Variants in ALDH2 observed in about 807,000 individuals in gnomAD.
ALDH2 encodes the protein aldehyde dehydrogenase 2 family member, also known as aldehyde dehydrogenase, mitochondrial.
In ALDH2, 44 loss-of-function variants were observed where a neutral mutation model predicts 59.6. The observed-to-expected ratio is 0.74, with a 90% CI of 0.58 to 0.95. ALDH2 has a LOEUF of 0.95. ALDH2 is among the 40% of genes least tolerant of loss of function. The pLI is 0.00. For missense variants in ALDH2, 570 were observed against 696.3 expected (o/e 0.82, Z 2.04); for synonymous variants, 291 against 284.0 (o/e 1.02, Z -0.25).
chr12:111,782,290 G>A (rs762979046), intron 2 of ALDH2, among the ~76,000 whole-genome samples: 1 of 152,256 alleles, frequency 6.6e-6, no homozygotes, highest in Non-Finnish European at 1.5e-5. Flanking sequence ...GGTCAGAGAT[G>A]GAAACCTTGC....
At chr12:111,804,011 G>T in intron 12 of ALDH2, 38 bp downstream of exon 12, 1 of 1,501,580 alleles carries the variant, frequency 6.7e-7, no homozygotes, top group Non-Finnish European at 9.1e-7. Flanking sequence ...GGGCCTGTTG[G>T]GGCTTGAGGG....
intron 3 of ALDH2, 35 bp downstream of exon 3, chr12:111,783,333 T>G: frequency 6.3e-7 from 1 of 1,575,318 alleles, no homozygotes; most frequent in Non-Finnish European, 8.7e-7. Context: ...TCAGATCCCA[T>G]GTGGTGAATA....
chr12:111,773,263 G>A lies in ALDH2; in HGVS notation c.114+6167G>A, dbSNP rs531172803. ...ATTACAGGCATGAGCCACCGTGGCC[G>A]GCCCGTGTTTTTAATCAGAGAACAC... is the stretch of plus-strand genomic sequence containing the variant. On this transcript the variant is annotated intron_variant, in intron 1 of 12. Coordinates refer to ENST00000261733, the MANE Select transcript of ALDH2 (RefSeq NM_000690.4). Among the ~76,000 whole-genome samples, 13 of 152,192 alleles carry A rather than the reference G, an allele frequency of 8.5e-5. No individual in the cohort carries two copies. In the South Asian group the frequency reaches 2.7e-3, roughly 32 times the overall value.
chr12:111,768,221 A>G (rs1273174277), intron 1 of ALDH2, among the ~76,000 whole-genome samples: 1 of 152,154 alleles, frequency 6.6e-6, no homozygotes, highest in Non-Finnish European at 1.5e-5. Context: ...ATTCCATGGT[A>G]TGTTGTGACT....
In ALDH2 at chr12:111,810,835, G is replaced by T. The variant is rs59442110; in HGVS notation, c.*1260G>T. ...TGATCCTCCCGCCTTAGCCTCCTAA[G>T]GTGCTGGGATTACAGGTGTGAGCCA... is the stretch of plus-strand genomic sequence containing the variant. On this transcript the variant is annotated 3_prime_UTR_variant, in exon 13 of 13. Coordinates refer to ENST00000261733, the MANE Select transcript of ALDH2 (RefSeq NM_000690.4). 2.0e-5 allele frequency: 3 copies of T among 152,058 alleles called. No individual in the cohort carries two copies. The highest frequency in any genetic ancestry group is 7.2e-5 in the African/African-American group (3 of 41,400). The allele number at this position is 152,058 out of a possible 1,614,324, so 9.4% of individuals were successfully genotyped here. A position where few individuals can be genotyped will look rare whatever the true frequency, so the allele number is the denominator to read the frequency against.
At position 111,810,682 on chromosome 12, in the gene ALDH2, A is replaced by G. The variant is rs2068529662; in HGVS notation, c.*1107A>G. Reference sequence around the variant, plus strand: ...GAGTGCAGTGGCACGATCATAGCTCACTGCTGCCTCGACCTCCTGGGCTCA... The same window carrying G: ...GAGTGCAGTGGCACGATCATAGCTCGCTGCTGCCTCGACCTCCTGGGCTCA... On this transcript the variant is annotated 3_prime_UTR_variant, in exon 13 of 13. Coordinates refer to ENST00000261733, the MANE Select transcript of ALDH2 (RefSeq NM_000690.4). 6.7e-6 allele frequency: 1 copy of G among 149,380 alleles called. No homozygotes were observed. Among genetic ancestry groups the G allele is most frequent in the Admixed American group, 6.8e-5 (1 of 14,726 alleles). The allele number at this position is 149,380 out of a possible 1,614,324, so 9.3% of individuals were successfully genotyped here.
intron 3 of ALDH2, among the ~76,000 whole-genome samples, chr12:111,783,990 C>A (rs925936206): frequency 1.3e-5 from 2 of 152,172 alleles, no homozygotes; most frequent in Admixed American, 1.3e-4. Flanking sequence ...TCCTCCCAGC[C>A]ACAATTGATT....
At chr12:111,796,569 A>C (rs1484161077) in intron 9 of ALDH2, among the ~76,000 whole-genome samples, 2 of 152,092 alleles carry the variant, frequency 1.3e-5, no homozygotes, top group East Asian at 3.9e-4. Flanking sequence ...TCCATTGGTA[A>C]CCACTCATGC....
intron 1 of ALDH2, among the ~76,000 whole-genome samples, chr12:111,775,339 C>T (rs1023016676): frequency 1.3e-5 from 2 of 152,120 alleles, no homozygotes; most frequent in African/African-American, 4.8e-5. Flanking sequence ...ACCCTTCAGA[C>T]CCCTCAGCTG....
intron 12 of ALDH2, among the ~76,000 whole-genome samples, chr12:111,806,452 T>G (rs1484286657): frequency 7.9e-5 from 12 of 152,212 alleles, no homozygotes; most frequent in Non-Finnish European, 8.8e-5. Context: ...GCAAATGGGT[T>G]GAGCTAGCCT....
chr12:111,797,732 G>T (rs2068416886), intron 9 of ALDH2, among the ~76,000 whole-genome samples: 1 of 152,106 alleles, frequency 6.6e-6, no homozygotes, highest in African/African-American at 2.4e-5. Flanking sequence ...TAATTTTTGA[G>T]CAATATTAAT....
chr12:111,783,301 G>A lies in ALDH2; in HGVS notation c.360+3G>A. ...AGCGGGACCGGACCTACCTGGCGGT[G>A]AGTCCTCAGCCCTTCTCCCCCTCAG... is the stretch of plus-strand genomic sequence containing the variant. On this transcript the variant is annotated splice_donor_region_variant and intron_variant, in intron 3 of 12. Transcript: ENST00000261733. 6.2e-7 allele frequency: 1 copy of A among 1,603,448 alleles called. No individual in the cohort carries two copies. Among genetic ancestry groups the A allele is most frequent in the East Asian group, 2.2e-5 (1 of 44,570 alleles).
rs957788805 is a variant in ALDH2, at chr12:111,798,090, C to T, written c.1096C>T (p.Gln366Ter). Residue 366 changes from glutamine to a stop codon, truncating the protein, a stop_gained, in exon 10 of 13, where the codon CAG becomes TAG. Transcript: ENST00000261733. LOFTEE classifies it high-confidence loss of function. ...TEQGPQVDET[Q>*]FKKILGYINT... ...CCTTCTCCCACAGGTGGATGAAACT[C>T]AGTTTAAGAAGATCCTCGGCTACAT... 1.2e-6 allele frequency: 2 copies of T among 1,613,994 alleles called. No individual in the cohort carries two copies. The highest frequency in any genetic ancestry group is 1.3e-5 in the African/African-American group (1 of 74,914).
intron 1 of ALDH2, among the ~76,000 whole-genome samples, chr12:111,770,928 G>A (rs1414643092): frequency 1.3e-5 from 2 of 151,756 alleles, no homozygotes; most frequent in African/African-American, 2.4e-5. Context: ...TGGGATTAAG[G>A]CACTGCAGCC....
chr12:111,784,863 G>T (rs919482960), intron 3 of ALDH2, among the ~76,000 whole-genome samples: 6 of 152,152 alleles, frequency 3.9e-5, no homozygotes, highest in African/African-American at 1.4e-4. Flanking sequence ...CCAAAGTGCT[G>T]GGATTATAGC....
At chr12:111,808,478 G>A (rs1443051517) in intron 12 of ALDH2, among the ~76,000 whole-genome samples, 1 of 152,170 alleles carries the variant, frequency 6.6e-6, no homozygotes, top group East Asian at 1.9e-4. Context: ...ACTGAGGCAG[G>A]TGAATCACCT....
intron 5 of ALDH2, among the ~76,000 whole-genome samples, 169 bp from the exon 6 acceptor site, chr12:111,790,265 G>A (rs1416345591): frequency 6.6e-6 from 1 of 152,166 alleles, no homozygotes; most frequent in Non-Finnish European, 1.5e-5. Context: ...GTTGTGCACC[G>A]CCTGCCTCAT....
At chr12:111,806,105 A>G (rs2068491949) in intron 12 of ALDH2, among the ~76,000 whole-genome samples, 2 of 152,016 alleles carry the variant, frequency 1.3e-5, no homozygotes, top group Non-Finnish European at 2.9e-5. Flanking sequence ...CGAGGTCAGG[A>G]GATCGAGACC....
rs2068520344 is a variant in ALDH2, at chr12:111,809,497, C to G, written c.1522-46C>G. On this transcript the variant is annotated intron_variant, in intron 12 of 12. Transcript: ENST00000261733. Reference sequence around the variant, plus strand: ...CTCCTAGCTGAGGGGACCTACAGATCACAGGGAAGCAGGAAGATCTAACGG... The same window carrying G: ...CTCCTAGCTGAGGGGACCTACAGATGACAGGGAAGCAGGAAGATCTAACGG... The G allele has an allele frequency of 4.3e-6, 7 of 1,611,808 alleles. No homozygotes were observed. In the East Asian group the frequency reaches 6.7e-5, roughly 15 times the overall value.
Sources: allele counts gnomAD v4.1 joint callset (sites outside exome capture counted in the v4.1 genomes callset), GRCh38; gene constraint gnomAD v4.1.1; transcripts MANE v1.5; gene names NCBI Gene and HGNC (gene_info 2026-07-23, HGNC 2026-07-21).